Variants in KCNAB1 observed in about 807,000 individuals in gnomAD.
KCNAB1 encodes voltage-gated potassium channel subunit beta-1.
KCNAB1 carries 35 observed loss-of-function variants against 64.6 expected under a neutral mutation model. That is an observed-to-expected ratio of 0.54 (90% CI 0.41 to 0.72). The LOEUF (loss-of-function observed/expected upper bound fraction) is 0.72, where lower values mean the gene tolerates loss of function less well. KCNAB1 is among the 30% of genes least tolerant of loss of function. KCNAB1 has a pLI of 0.00. For missense variants in KCNAB1, 401 were observed against 512.9 expected, an observed-to-expected ratio of 0.78 and a Z score of 2.11; for synonymous variants, 177 against 183.8, an observed-to-expected ratio of 0.96 and a Z score of 0.30.
chr3:156,395,544 C>CAAAAAAAAAAAA lies in KCNAB1; in HGVS notation c.276-26042_276-26031dup. Among the ~76,000 whole-genome samples, 86 of 25,452 alleles carry CAAAAAAAAAAAA rather than the reference C, an allele frequency of 3.4e-3. 23 individuals are homozygous for CAAAAAAAAAAAA. Among genetic ancestry groups the CAAAAAAAAAAAA allele is most frequent in the Middle Eastern group, 0.077 (2 of 26 alleles). 16.7% of individuals were successfully genotyped at this position (25,452 alleles called of 152,430 possible). Reference sequence around the variant, plus strand: ...TGGGCGACAGAGCGAGACTCCGTCTCAAAAAAAAAAAAAAAAAAAAAAAAA... The same window carrying CAAAAAAAAAAAA: ...TGGGCGACAGAGCGAGACTCCGTCTCAAAAAAAAAAAAAAAAAAAAAAAAAAAAAAAAAAAAA... On this transcript the variant is annotated intron_variant, in intron 1 of 13. Coordinates refer to ENST00000490337, the MANE Select transcript of KCNAB1 (RefSeq NM_172160.3).
At chr3:156,218,851 A>C (rs1560142279) in intron 1 of KCNAB1, among the ~76,000 whole-genome samples, 1 of 149,934 alleles carries the variant, frequency 6.7e-6, no homozygotes, top group African/African-American at 2.4e-5. Flanking sequence ...ATATAAAAAA[A>C]ATAAAATAAA....
chr3:156,405,122 A>C (rs1162296427), intron 1 of KCNAB1, among the ~76,000 whole-genome samples: 1 of 152,178 alleles, frequency 6.6e-6, no homozygotes, highest in Admixed American at 6.5e-5. Context: ...CTGAGGTTAG[A>C]AGCTCCCTCT....
chr3:156,415,954 A>G (rs549250050), intron 1 of KCNAB1, among the ~76,000 whole-genome samples: 159 of 152,256 alleles, frequency 1.0e-3, no homozygotes, highest in Non-Finnish European at 1.3e-3. Flanking sequence ...AATGTCCCCA[A>G]TGAACACTCT....
chr3:156,342,806 A>G (rs1724233251), intron 1 of KCNAB1, among the ~76,000 whole-genome samples: 1 of 151,734 alleles, frequency 6.6e-6, no homozygotes, highest in Non-Finnish European at 1.5e-5. Flanking sequence ...GGATTGATTG[A>G]CCTGACTGGG....
At chr3:156,161,436 A>T (rs1716069849) in intron 1 of KCNAB1, among the ~76,000 whole-genome samples, 1 of 152,200 alleles carries the variant, frequency 6.6e-6, no homozygotes, top group South Asian at 2.1e-4. Flanking sequence ...TTGTTGACAC[A>T]CACAAACCAC....
At chr3:156,496,203 T>C (rs985720303) in intron 8 of KCNAB1, among the ~76,000 whole-genome samples, 2 of 152,194 alleles carry the variant, frequency 1.3e-5, no homozygotes, top group Non-Finnish European at 2.9e-5. Context: ...AAAAATATTA[T>C]TATTGTTTTA....
At chr3:156,457,621 G>C (rs144265245) in intron 4 of KCNAB1, 89 bp downstream of exon 4, 1 of 1,169,976 alleles carries the variant, frequency 8.5e-7, no homozygotes, top group Non-Finnish European at 1.3e-6. Flanking sequence ...TGGTGAAAAG[G>C]TTCTGTCCTT....
chr3:156,494,972 A>T (rs943501112), intron 8 of KCNAB1, among the ~76,000 whole-genome samples: 3 of 152,090 alleles, frequency 2.0e-5, no homozygotes, highest in African/African-American at 7.2e-5. Flanking sequence ...CGCATGACCC[A>T]GGTATTAAGG....
chr3:156,531,070 T>C (rs1718669597), intron 12 of KCNAB1, among the ~76,000 whole-genome samples: 1 of 152,116 alleles, frequency 6.6e-6, no homozygotes, highest in African/African-American at 2.4e-5. Context: ...AGGCTAGCAA[T>C]TGGAAAACCA....
chr3:156,215,096 G>A (rs1236109663), intron 1 of KCNAB1, among the ~76,000 whole-genome samples: 1 of 152,204 alleles, frequency 6.6e-6, no homozygotes, highest in Non-Finnish European at 1.5e-5. Context: ...GACAGGCTAA[G>A]TAAGTTTTCT....
At chr3:156,462,195 A>G (rs560447403) in intron 5 of KCNAB1, among the ~76,000 whole-genome samples, 40 of 152,346 alleles carry the variant, frequency 2.6e-4, no homozygotes, top group African/African-American at 9.1e-4. Context: ...GTCAGTGACA[A>G]TTTGCCAGGC....
chr3:156,155,160 G>A (rs533000261), intron 1 of KCNAB1, among the ~76,000 whole-genome samples: 46 of 152,170 alleles, frequency 3.0e-4, no homozygotes, highest in Middle Eastern at 3.4e-3. Context: ...GTCAAGCCTC[G>A]CTGTTTTTGG....
At chr3:156,259,822 G>A (rs1470956559) in intron 1 of KCNAB1, among the ~76,000 whole-genome samples, 1 of 152,178 alleles carries the variant, frequency 6.6e-6, no homozygotes, top group Non-Finnish European at 1.5e-5. Context: ...TCCTGTTTAT[G>A]CCTTGACTGC....
intron 1 of KCNAB1, among the ~76,000 whole-genome samples, chr3:156,231,081 A>G (rs538306119): frequency 6.6e-6 from 1 of 152,212 alleles, no homozygotes; most frequent in East Asian, 1.9e-4. Flanking sequence ...TACCCTTTCC[A>G]TCCTCCTCTT....
At chr3:156,193,626 TGA>T (rs1404295300) in intron 1 of KCNAB1, among the ~76,000 whole-genome samples, 1 of 151,984 alleles carries the variant, frequency 6.6e-6, no homozygotes, top group Admixed American at 6.6e-5. Context: ...TGGTGGCAGA[TGA>T]GAGAGAGTGA....
intron 1 of KCNAB1, among the ~76,000 whole-genome samples, chr3:156,166,530 T>TACACACACAC (rs57754528): frequency 6.7e-6 from 1 of 148,806 alleles, no homozygotes; most frequent in Admixed American, 6.7e-5. Context: ...AATACATATA[T>TACACACACAC]ACACACACAC....
At chr3:156,247,757 G>C (rs9870474) in intron 1 of KCNAB1, among the ~76,000 whole-genome samples, 84,648 of 151,840 alleles carry the variant, frequency 0.56, 24,714 homozygotes, top group East Asian at 0.78. Context: ...GTAGAGACAG[G>C]GTTCGCCATG....
At chr3:156,467,613 AC>A in intron 7 of KCNAB1, among the ~76,000 whole-genome samples, 1 of 148,946 alleles carries the variant, frequency 6.7e-6, no homozygotes, top group Non-Finnish European at 1.5e-5. Context: ...CCATCCAAAC[AC>A]TGGCTTATAT....
intron 1 of KCNAB1, among the ~76,000 whole-genome samples, chr3:156,278,722 G>A (rs969762333): frequency 6.6e-6 from 1 of 152,048 alleles, no homozygotes; most frequent in African/African-American, 2.4e-5. Flanking sequence ...GTCATGATCT[G>A]GTTGCTAATG....
Sources: gnomAD v4.1 joint callset for allele counts (sites outside exome capture counted in the v4.1 genomes callset) on GRCh38, gnomAD v4.1.1 for gene constraint, MANE v1.5 for transcripts, NCBI Gene and HGNC (gene_info 2026-07-23, HGNC 2026-07-21) for gene names.